TLL1: variants seen among roughly 807,000 people sequenced by gnomAD.
TLL1 encodes the protein tolloid like 1.
TLL1 carries 49 observed loss-of-function variants against 128.2 expected under a neutral mutation model. That is an observed-to-expected ratio of 0.38 (90% CI 0.30 to 0.48). The LOEUF is 0.48. TLL1 is among the 20% of genes least tolerant of loss of function. TLL1 has a pLI of 0.96. For synonymous variants in TLL1, 454 were observed against 418.8 expected (o/e 1.08, Z -1.03); for missense variants, 1,123 against 1,242.0 (o/e 0.90, Z 1.44).
chr4:166,095,177 A>C (rs1479302401), intron 19 of TLL1, among the ~76,000 whole-genome samples: 1 of 152,096 alleles, frequency 6.6e-6, no homozygotes, highest in Non-Finnish European at 1.5e-5. Context: ...TATGCACAAG[A>C]AAAATTTCAA....
Position 165,989,205 on chromosome 4 carries a change from G to A in TLL1, c.170-176G>A, listed in dbSNP as rs907141161. On this transcript the variant is annotated intron_variant, in intron 1 of 20. Coordinates refer to ENST00000061240, the MANE Select transcript of TLL1 (RefSeq NM_012464.5). ...AAAATGGAGTTATGCCCTTTTACAG[G>A]TAGCTAATATTTGTCCTGTAACAGG... Among the ~76,000 whole-genome samples, 598 of 152,102 alleles carry A rather than the reference G, an allele frequency of 3.9e-3. 4 individuals carry two copies. The highest frequency in any genetic ancestry group is 0.013 in the African/African-American group (538 of 41,526).
intron 1 of TLL1, among the ~76,000 whole-genome samples, chr4:165,877,678 C>T (rs1008414470): frequency 6.6e-5 from 10 of 152,098 alleles, no homozygotes; most frequent in African/African-American, 1.7e-4. Context: ...TGATGAACTG[C>T]GTATTAACAC....
chr4:166,039,782 A>G (rs997218108), intron 10 of TLL1, among the ~76,000 whole-genome samples: 28 of 152,240 alleles, frequency 1.8e-4, no homozygotes, highest in African/African-American at 6.3e-4. Flanking sequence ...ATTAAAAAAA[A>G]CTAATTGTGG....
chr4:166,099,388 C>T lies in TLL1; in HGVS notation c.2768C>T (p.Ser923Leu). The change falls in exon 20 of 21, where the codon TCA (serine) becomes TTA (leucine). Residue 923 changes from serine (S) to leucine (L), a missense_variant. Transcript: ENST00000061240. ...GQVDCEWLLV[S>L]ERGSRLELSF... ...GTTGACTGTGAATGGCTATTAGTATCAGAACGGGGCTCTCGACTTGAATTA... is the reference window on the plus strand; with the variant it reads ...GTTGACTGTGAATGGCTATTAGTATTAGAACGGGGCTCTCGACTTGAATTA... 1.2e-6 allele frequency: 2 copies of T among 1,613,594 alleles called. No individual in the cohort carries two copies. Among genetic ancestry groups the T allele is most frequent in the Non-Finnish European group, 1.7e-6 (2 of 1,179,668 alleles).
chr4:166,035,668 AC>A (rs1738965431), intron 9 of TLL1, among the ~76,000 whole-genome samples: 2 of 152,196 alleles, frequency 1.3e-5, no homozygotes, highest in African/African-American at 4.8e-5. Context: ...TCAGAGCTGA[AC>A]AAAAGCTTAA....
chr4:165,895,633 TAAA>T (rs57920393), intron 1 of TLL1, among the ~76,000 whole-genome samples: 1 of 68,456 alleles, frequency 1.5e-5, no homozygotes, highest in Non-Finnish European at 2.5e-5. Flanking sequence ...AGACTTTTTG[TAAA>T]AAAAAAAAAA....
At chr4:166,009,678 T>C (rs1334356925) in intron 7 of TLL1, among the ~76,000 whole-genome samples, 2 of 151,498 alleles carry the variant, frequency 1.3e-5, no homozygotes, top group African/African-American at 4.8e-5. Flanking sequence ...CCTGATTGTT[T>C]CATTCACGTT....
rs577915977 is a variant in TLL1 at position 165,891,717 on chromosome 4, G to A, written c.169+17644G>A. 6.7e-4 allele frequency among the ~76,000 whole-genome samples: 102 copies of A among 152,232 alleles called. 1 individual carries two copies. The highest frequency in any genetic ancestry group is 1.2e-3 in the South Asian group (6 of 4,822). ...AGTATTTTGGTCAAAACCATTCAAC[G>A]AGTCTCTAGGAAGTTCCAAACTTTC... On this transcript the variant is annotated intron_variant, in intron 1 of 20. Coordinates refer to ENST00000061240, the MANE Select transcript of TLL1 (RefSeq NM_012464.5).
chr4:166,018,880 T>C (rs758990802), intron 8 of TLL1, among the ~76,000 whole-genome samples: 1 of 152,156 alleles, frequency 6.6e-6, no homozygotes, highest in Non-Finnish European at 1.5e-5. Flanking sequence ...TTCAGCCATA[T>C]TGGAAAGCAA....
chr4:165,978,854 T>C (rs766694442), intron 1 of TLL1, among the ~76,000 whole-genome samples: 3 of 152,230 alleles, frequency 2.0e-5, no homozygotes, highest in African/African-American at 4.8e-5. Context: ...AGAAACCTAG[T>C]TGTCATCCTT....
At chr4:165,897,662 C>CTTTTTTTTTTTTTTT (rs951819686) in intron 1 of TLL1, among the ~76,000 whole-genome samples, 2 of 47,516 alleles carry the variant, frequency 4.2e-5, no homozygotes, top group African/African-American at 9.0e-5. Context: ...GGTAGTCCAG[C>CTTTTTTTTTTTTTTT]TTTTTTTTTT....
chr4:165,896,107 G>A (rs36099778), intron 1 of TLL1, among the ~76,000 whole-genome samples: 36,758 of 151,750 alleles, frequency 0.24, 5,624 homozygotes, highest in East Asian at 0.51. Flanking sequence ...AAGAGGCCCC[G>A]GTGTGTGATG....
chr4:166,094,799 T>C (rs1423742733), intron 19 of TLL1, among the ~76,000 whole-genome samples: 1 of 152,174 alleles, frequency 6.6e-6, no homozygotes, highest in Non-Finnish European at 1.5e-5. Context: ...CTTACTTATG[T>C]CTGCTTTTAT....
chr4:166,050,534 AT>A (rs1241983128), intron 12 of TLL1, among the ~76,000 whole-genome samples: 1 of 152,214 alleles, frequency 6.6e-6, no homozygotes, highest in South Asian at 2.1e-4. Flanking sequence ...TTTACTAAAA[AT>A]TATTATCTAG....
chr4:165,957,601 C>T (rs988672506), intron 1 of TLL1, among the ~76,000 whole-genome samples: 5 of 151,410 alleles, frequency 3.3e-5, no homozygotes, highest in Non-Finnish European at 7.4e-5. Context: ...TTTGGTGCAC[C>T]CATCACCCGA....
At chr4:165,932,588 G>A (rs1733578834) in intron 1 of TLL1, among the ~76,000 whole-genome samples, 2 of 152,242 alleles carry the variant, frequency 1.3e-5, no homozygotes, top group South Asian at 4.1e-4. Flanking sequence ...AGACAGAATG[G>A]GAAGTTAGTA....
At chr4:166,014,958 T>A (rs896777836) in intron 8 of TLL1, among the ~76,000 whole-genome samples, 4 of 151,990 alleles carry the variant, frequency 2.6e-5, no homozygotes, top group East Asian at 1.9e-4. Context: ...GATATTTTTT[T>A]GCAAGTACCA....
intron 16 of TLL1, among the ~76,000 whole-genome samples, chr4:166,069,653 A>AT (rs74987823): frequency 0.048 from 7,249 of 151,804 alleles, 293 homozygotes; most frequent in East Asian, 0.13. Flanking sequence ...ATAGCCTCAG[A>AT]TTTTTAAAAC....
At chr4:165,988,512 G>A (rs186716528) in intron 1 of TLL1, among the ~76,000 whole-genome samples, 3 of 152,074 alleles carry the variant, frequency 2.0e-5, no homozygotes, top group Admixed American at 6.6e-5. Context: ...GTCTGTAGTC[G>A]CAGCTACTTG....
Sources: gnomAD v4.1 joint callset for allele counts (sites outside exome capture counted in the v4.1 genomes callset) on GRCh38, gnomAD v4.1.1 for gene constraint, MANE v1.5 for transcripts, NCBI Gene and HGNC (gene_info 2026-07-23, HGNC 2026-07-21) for gene names.